EPB41L2: variants seen among roughly 807,000 people sequenced by gnomAD.
EPB41L2 encodes erythrocyte membrane protein band 4.1 like 2.
Under a neutral mutation model 113.0 loss-of-function variants are expected in EPB41L2, and 43 were observed. The ratio of observed to expected loss-of-function variants is 0.38; its 90% CI spans 0.30 to 0.49. The LOEUF (loss-of-function observed/expected upper bound fraction) is 0.49. Among genes scored for constraint, EPB41L2 ranks in the 20% least tolerant of loss-of-function variants. EPB41L2 has a pLI of 0.95. For synonymous variants in EPB41L2, 442 were observed against 436.7 expected (o/e 1.01, Z -0.15); for missense variants, 1,147 against 1,223.4 (o/e 0.94, Z 0.93).
chr6:130,860,370 C>G (rs1418391968), intron 18 of EPB41L2, among the ~76,000 whole-genome samples: 2 of 152,200 alleles, frequency 1.3e-5, no homozygotes, highest in East Asian at 1.9e-4. Flanking sequence ...AAAGCAAAAA[C>G]TGCTACAGTC....
intron 1 of EPB41L2, among the ~76,000 whole-genome samples, chr6:131,041,271 T>C (rs1158142450): frequency 1.3e-5 from 2 of 152,196 alleles, no homozygotes; most frequent in African/African-American, 4.8e-5. Flanking sequence ...TAATTTAAAT[T>C]ACTTCAGGAA....
rs1383936253 is a variant in EPB41L2 at position 130,940,422 on chromosome 6, ATAGGT to A, written c.706-13718_706-13714del. Among the ~76,000 whole-genome samples the A allele has an allele frequency of 2.0e-5, 3 of 152,094 alleles. No homozygotes were observed. The East Asian group carries it at 5.8e-4, about 29-fold the overall frequency. On this transcript the variant is annotated intron_variant, in intron 3 of 19. Transcript: ENST00000337057. The stretch of plus-strand genomic sequence containing the variant: ...AAGCAGTTTTAAAATGAAAAATGTA[ATAGGT>A]TAGGTTAGGGTATAGCTGAGTTTTT...
In EPB41L2 at chr6:130,970,977, C is replaced by A. The variant is rs1232658675; in HGVS notation, c.-14-14478G>T. Among the ~76,000 whole-genome samples the A allele has an allele frequency of 2.0e-5, 3 of 152,278 alleles. No homozygotes were observed. In the East Asian group the frequency reaches 5.8e-4, roughly 29 times the overall value. On this transcript the variant is annotated intron_variant, in intron 1 of 19. Transcript: ENST00000337057. ...TCATGGCTCACTGCAGCCTCGACCT[C>A]CTGGGCTCAAACAATCCTCCCACTC...
chr6:131,031,693 C>A (rs189058716), intron 1 of EPB41L2, among the ~76,000 whole-genome samples: 5 of 152,254 alleles, frequency 3.3e-5, no homozygotes, highest in Non-Finnish European at 5.9e-5. Flanking sequence ...ATAATCCAAC[C>A]TGTGAGATAG....
chr6:131,033,877 G>A (rs1399071721), intron 1 of EPB41L2, among the ~76,000 whole-genome samples: 1 of 152,222 alleles, frequency 6.6e-6, no homozygotes, highest in Non-Finnish European at 1.5e-5. Context: ...TGGTTGCACA[G>A]CATTGTGAAC....
intron 1 of EPB41L2, among the ~76,000 whole-genome samples, chr6:131,033,790 G>A (rs1792723152): frequency 6.6e-6 from 1 of 152,190 alleles, no homozygotes; most frequent in African/African-American, 2.4e-5. Context: ...AAGGAAAAAG[G>A]AAGAGGAGTT....
chr6:130,996,185 C>A (rs1783057335), intron 1 of EPB41L2, among the ~76,000 whole-genome samples: 1 of 152,156 alleles, frequency 6.6e-6, no homozygotes, highest in South Asian at 2.1e-4. Context: ...TTTACTGTAA[C>A]AGGATCTGTC....
In EPB41L2 at chr6:130,871,620, C is replaced by T. The variant is rs10499176; in HGVS notation, c.2044-1494G>A. ...ACTCTCTTGGACCTGCCCTATTATT[C>T]TTAAACACATGGTAAGGGCATGGTT... On this transcript the variant is annotated intron_variant, in intron 14 of 19. Coordinates refer to ENST00000337057, the MANE Select transcript of EPB41L2 (RefSeq NM_001431.4). Among the ~76,000 whole-genome samples, 3,018 of 152,296 alleles carry T rather than the reference C, an allele frequency of 0.02. 192 individuals are homozygous for T. The East Asian group carries it at 0.26, about 13-fold the overall frequency.
intron 1 of EPB41L2, among the ~76,000 whole-genome samples, chr6:131,008,354 G>A (rs1394964519): frequency 6.6e-6 from 1 of 152,262 alleles, no homozygotes; most frequent in Admixed American, 6.5e-5. Context: ...AAAAATTGAG[G>A]TTTGGGAACT....
chr6:130,996,455 A>G (rs1213634448), intron 1 of EPB41L2, among the ~76,000 whole-genome samples: 2 of 152,230 alleles, frequency 1.3e-5, no homozygotes, highest in African/African-American at 4.8e-5. Flanking sequence ...CTTAAGAGTT[A>G]TAATATAGAC....
intron 4 of EPB41L2, among the ~76,000 whole-genome samples, chr6:130,917,014 C>T (rs1009573121): frequency 5.3e-5 from 8 of 152,206 alleles, no homozygotes; most frequent in African/African-American, 1.4e-4. Context: ...GCACAGTTTC[C>T]ACATTCCCAT....
chr6:130,850,156 TG>T (rs1381057713), intron 19 of EPB41L2, among the ~76,000 whole-genome samples: 1 of 152,112 alleles, frequency 6.6e-6, no homozygotes, highest in East Asian at 1.9e-4. Flanking sequence ...GAGAAACGCT[TG>T]AACCTGGGAG....
At chr6:130,945,947 A>C (rs1812662393) in intron 3 of EPB41L2, among the ~76,000 whole-genome samples, 1 of 152,152 alleles carries the variant, frequency 6.6e-6, no homozygotes. Flanking sequence ...GATCCAAGAG[A>C]CACCCAAAAA....
intron 1 of EPB41L2, among the ~76,000 whole-genome samples, chr6:130,959,513 T>C (rs578246381): frequency 4.6e-5 from 7 of 152,260 alleles, no homozygotes; most frequent in South Asian, 4.2e-4. Flanking sequence ...GAGACAGTAA[T>C]ATCCCTGACA....
chr6:130,890,270 C>A, intron 11 of EPB41L2, 24 bp downstream of exon 11: 2 of 1,580,984 alleles, frequency 1.3e-6, no homozygotes, highest in South Asian at 2.4e-5. Context: ...GAATGAAAAT[C>A]AAAATTATCA....
In EPB41L2 at chr6:130,894,947, T is replaced by C. The variant is rs1562418671; in HGVS notation, c.1389+20A>G. 6.2e-7 allele frequency: 1 copy of C among 1,606,324 alleles called. No individual in the cohort carries two copies. The highest frequency in any genetic ancestry group is 8.5e-7 in the Non-Finnish European group (1 of 1,175,284). ...AAACAGGCCGACTAACAACAACTGA[T>C]TAGAAATGTCTTGGCTTACCTCTGC... On this transcript the variant is annotated intron_variant, in intron 9 of 19. Coordinates refer to ENST00000337057, the MANE Select transcript of EPB41L2 (RefSeq NM_001431.4).
At chr6:131,030,794 C>T (rs368359212) in intron 1 of EPB41L2, among the ~76,000 whole-genome samples, 1 of 151,868 alleles carries the variant, frequency 6.6e-6, no homozygotes. Context: ...TATTGAGAGG[C>T]AGGGCATGGT....
At chr6:131,039,274 T>G (rs1200363860) in intron 1 of EPB41L2, among the ~76,000 whole-genome samples, 1 of 152,236 alleles carries the variant, frequency 6.6e-6, no homozygotes, top group Non-Finnish European at 1.5e-5. Flanking sequence ...CCTCTGGGTA[T>G]GGACTTTGTA....
intron 3 of EPB41L2, among the ~76,000 whole-genome samples, chr6:130,936,862 C>T (rs879863318): frequency 6.6e-6 from 1 of 152,304 alleles, no homozygotes; most frequent in Non-Finnish European, 1.5e-5. Context: ...ACAGTCTTAA[C>T]GTGAGGCCTC....
Sources: gnomAD v4.1 joint callset for allele counts (sites outside exome capture counted in the v4.1 genomes callset) on GRCh38, gnomAD v4.1.1 for gene constraint, MANE v1.5 for transcripts, NCBI Gene and HGNC (gene_info 2026-07-23, HGNC 2026-07-21) for gene names.